The following SLC46A1 variants were observed in gnomAD, a reference collection of about 807,000 sequenced individuals.
SLC46A1 encodes the protein proton-coupled folate transporter.
Under a neutral mutation model 32.1 loss-of-function variants are expected in SLC46A1, and 17 were observed. The ratio of observed to expected loss-of-function variants is 0.53; its 90% CI spans 0.36 to 0.79. The LOEUF is 0.79. Ranked by LOEUF, SLC46A1 falls within the 30% of genes least tolerant of loss-of-function variation. SLC46A1 has a pLI of 0.00. For missense variants in SLC46A1, 517 were observed against 588.2 expected, an observed-to-expected ratio of 0.88 and a Z score of 1.25; for synonymous variants, 240 against 262.7, an observed-to-expected ratio of 0.91 and a Z score of 0.84.
intron 1 of SLC46A1, 41 bp downstream of exon 1, chr17:28,405,846 C>T (rs1555591240): frequency 6.5e-7 from 1 of 1,530,110 alleles, no homozygotes; most frequent in African/African-American, 1.4e-5. Flanking sequence ...ACGCTCCAGA[C>T]CAGGGCCCTC....
chr17:28,405,833 C>A, intron 1 of SLC46A1, 54 bp downstream of exon 1: 1 of 1,504,028 alleles, frequency 6.6e-7, no homozygotes, highest in Non-Finnish European at 8.9e-7. Context: ...CTCCGCTGCC[C>A]CCACGCTCCA....
Position 28,405,159 on chromosome 17 carries a change from G to T in SLC46A1, c.538C>A (p.Arg180=). 1 of 1,610,968 alleles carries T rather than the reference G, an allele frequency of 6.2e-7. No homozygotes were observed. The highest frequency in any genetic ancestry group is 8.5e-7 in the Non-Finnish European group (1 of 1,178,290). Residue 180 remains arginine, a synonymous_variant, in exon 2 of 5, where the codon CGG becomes AGG. Coordinates refer to ENST00000612814, the MANE Select transcript of SLC46A1 (RefSeq NM_080669.6). ...ATGCTGGCTTCCAGCAGGGCCATCC[G>T]GAAGGTGCGGCTGCGACTGGAGCTG... ...DVSSSRSRTF[R]MALLEASIGV... is the part of the protein sequence containing the mutation.
In SLC46A1 at chr17:28,402,233, C is replaced by T; in HGVS notation, c.1165+5G>A. On this transcript the variant is annotated splice_donor_5th_base_variant and intron_variant, in intron 3 of 4. Coordinates refer to ENST00000612814, the MANE Select transcript of SLC46A1 (RefSeq NM_080669.6). ...AACCAGACACAGGTGGGTTCTGACA[C>T]TCACCCTGCTCTGTCTCTCTCACCA... 1 of 1,611,492 alleles carries T rather than the reference C, an allele frequency of 6.2e-7. No homozygotes were observed. Among genetic ancestry groups the T allele is most frequent in the Non-Finnish European group, 8.5e-7 (1 of 1,178,670 alleles).
chr17:28,402,493 C>T (rs2068209792), intron 2 of SLC46A1, 172 bp from the exon 3 acceptor site: 1 of 550,922 alleles, frequency 1.8e-6, no homozygotes, highest in Non-Finnish European at 3.3e-6. Context: ...GGAGACTGCC[C>T]TTGTCTGGGC....
rs1315099553 is a variant in SLC46A1 at position 28,395,716 on chromosome 17, T to G, written c.*3940A>C. 3.3e-6 allele frequency: 2 copies of G among 605,402 alleles called. No individual in the cohort carries two copies. Among genetic ancestry groups the G allele is most frequent in the African/African-American group, 3.7e-5 (2 of 53,934 alleles). The allele number at this position is 605,402 out of a possible 1,614,324, so 37.5% of individuals were successfully genotyped here. On this transcript the variant is annotated 3_prime_UTR_variant, in exon 5 of 5. Coordinates refer to ENST00000612814, the MANE Select transcript of SLC46A1 (RefSeq NM_080669.6). ...GTTTTAGCAGCTCTGTGCCAGGAAC[T>G]CTGGGCAAAGGAAAAATATTTATTT...
At chr17:28,406,225 G>C (rs1222460496), upstream of SLC46A1, 1 of 816,984 alleles carries the variant, frequency 1.2e-6, no homozygotes. The surrounding 1 kb of genome is among the most constrained non-coding windows in gnomAD (Gnocchi z 4.5). Flanking sequence ...GCCTGCGCCC[G>C]GCGTCCCTCC....
In SLC46A1 at chr17:28,405,045, A is replaced by T; in HGVS notation, c.652T>A (p.Leu218Met). 1 of 1,614,046 alleles carries T rather than the reference A, an allele frequency of 6.2e-7. No homozygotes were observed. Among genetic ancestry groups the T allele is most frequent in the South Asian group, 1.1e-5 (1 of 91,084 alleles). ...YANPFWLALALLIAMTLYAAF... is the reference protein window; with the variant it reads ...YANPFWLALAMLIAMTLYAAF... ...GCATAGAGAGTCATGGCTATCAGCAAGGCCAAGGCCAGCCAGAAGGGGTTG... is the reference window on the plus strand; with the variant it reads ...GCATAGAGAGTCATGGCTATCAGCATGGCCAAGGCCAGCCAGAAGGGGTTG... Residue 218 changes from leucine to methionine, a missense_variant, in exon 2 of 5, where the codon TTG (leucine) becomes ATG (methionine). Physicochemically the swap from Leu to Met is conservative, Grantham distance 15. Coordinates refer to ENST00000612814, the MANE Select transcript of SLC46A1 (RefSeq NM_080669.6).
intron 2 of SLC46A1, chr17:28,402,559 G>T (rs1239333403): frequency 2.4e-6 from 1 of 419,636 alleles, no homozygotes; most frequent in Non-Finnish European, 4.4e-6. Flanking sequence ...TTGCTTTCTT[G>T]TCTGAACCTC....
chr17:28,404,695 T>C lies in SLC46A1; in HGVS notation c.1002A>G (p.Val334=). Reference sequence around the variant, plus strand: ...TGTTGAAGGCCAGGCCGATCTCAGCTACCCAGGCATCGGCCAGGCAGTACT... The same window carrying C: ...TGTTGAAGGCCAGGCCGATCTCAGCCACCCAGGCATCGGCCAGGCAGTACT... The part of the protein sequence containing the change: ...LLQYCLADAW[V]AEIGLAFNIL... The change falls in exon 2 of 5, where the codon GTA becomes GTG. Residue 334 remains valine, a synonymous_variant. Coordinates refer to ENST00000612814, the MANE Select transcript of SLC46A1 (RefSeq NM_080669.6). 6.2e-7 allele frequency: 1 copy of C among 1,613,876 alleles called. No homozygotes were observed.
In SLC46A1 at chr17:28,402,289, T is replaced by C; in HGVS notation, c.1114A>G (p.Thr372Ala). The C allele has an allele frequency of 6.2e-7, 1 of 1,613,608 alleles. No homozygotes were observed. The highest frequency in any genetic ancestry group is 8.5e-7 in the Non-Finnish European group (1 of 1,179,762). The change falls in exon 3 of 5, where the codon ACA becomes GCA. Residue 372 changes from threonine to alanine, a missense_variant. Physicochemically the swap from Thr to Ala is moderately conservative, Grantham distance 58. Coordinates refer to ENST00000612814, the MANE Select transcript of SLC46A1 (RefSeq NM_080669.6). ...GAGAGTTTAGCCCGGATGACAGGTG[T>C]GATGACTAATGACAGGAAAAGCAAC... Reference protein sequence around the residue: ...YGLLFLSLVITPVIRAKLSKL... With the variant: ...YGLLFLSLVIAPVIRAKLSKL...
intron 3 of SLC46A1, 58 bp downstream of exon 3, chr17:28,402,180 C>A (rs1388099017): frequency 1.8e-5 from 26 of 1,471,756 alleles, no homozygotes; most frequent in Non-Finnish European, 2.3e-5. Flanking sequence ...TGCCCATCAG[C>A]CCGTTTCGGG....
Position 28,402,321 on chromosome 17 carries a change from C to G in SLC46A1, c.1082G>C (p.Gly361Ala). The change falls in exon 3 of 5, where the codon GGA (glycine) becomes GCA (alanine). Residue 361 changes from glycine to alanine, a missense_variant and splice_region_variant. Physicochemically the swap from Gly to Ala is moderately conservative, Grantham distance 60. Transcript: ENST00000612814. ...TAATGACAGGAAAAGCAACCCATAT[C>G]CTGTGGAGAAACAAACACTCATCAG... ...FATITPLMFTGYGLLFLSLVI... is the reference protein window; with the variant it reads ...FATITPLMFTAYGLLFLSLVI... 6.2e-7 allele frequency: 1 copy of G among 1,612,688 alleles called. No individual in the cohort carries two copies. The highest frequency in any genetic ancestry group is 1.3e-5 in the African/African-American group (1 of 75,024).
At position 28,395,569 on chromosome 17, in the gene SLC46A1, T is replaced by A; in HGVS notation, c.*4087A>T. The A allele has an allele frequency of 4.1e-6, 1 of 244,908 alleles. No individual in the cohort carries two copies. The highest frequency in any genetic ancestry group is 8.0e-6 in the Non-Finnish European group (1 of 124,684). 15.2% of individuals were successfully genotyped at this position (244,908 alleles called of 1,614,324 possible). On this transcript the variant is annotated 3_prime_UTR_variant, in exon 5 of 5. Transcript: ENST00000612814. ...CCAATCCTCTAGTCATGCCCTGGTCTCCCTGGTGACCAGCCCTCTTCCTGA... is the reference window on the plus strand; with the variant it reads ...CCAATCCTCTAGTCATGCCCTGGTCACCCTGGTGACCAGCCCTCTTCCTGA...
Position 28,405,405 on chromosome 17 carries a change from G to T in SLC46A1, c.292C>A (p.Leu98Ile), listed in dbSNP as rs1555591013. 6.3e-7 allele frequency: 1 copy of T among 1,588,320 alleles called. No homozygotes were observed. The highest frequency in any genetic ancestry group is 1.1e-5 in the South Asian group (1 of 87,002). The change falls in exon 2 of 5, where the codon CTC becomes ATC. Residue 98 changes from leucine to isoleucine, a missense_variant. Physicochemically the swap from Leu to Ile is conservative, Grantham distance 5. Coordinates refer to ENST00000612814, the MANE Select transcript of SLC46A1 (RefSeq NM_080669.6). ...GCTCCCAGCAGGGTGGACGAGAAGAGCCCCACCAGGAAGCCGCCCACGTTC... is the reference window on the plus strand; with the variant it reads ...GCTCCCAGCAGGGTGGACGAGAAGATCCCCACCAGGAAGCCGCCCACGTTC... Reference protein sequence around the residue: ...YMNVGGFLVGLFSSTLLGAWS... With the variant: ...YMNVGGFLVGIFSSTLLGAWS...
At position 28,404,913 on chromosome 17, in the gene SLC46A1, T is replaced by G; in HGVS notation, c.784A>C (p.Lys262Gln). 6.2e-7 allele frequency: 1 copy of G among 1,613,972 alleles called. No homozygotes were observed. The highest frequency in any genetic ancestry group is 8.5e-7 in the Non-Finnish European group (1 of 1,179,876). The stretch of plus-strand genomic sequence containing the variant: ...TAGAGGGCTAAATGTTTCCTGGACT[T>G]CTCTGGGGCGGGAGCCACATAGAGC... ...VQLYVAPAPE[K>Q]SRKHLALYSL... is the part of the protein sequence containing the mutation. The change falls in exon 2 of 5, where the codon AAG (lysine) becomes CAG (glutamine). Residue 262 changes from lysine to glutamine, a missense_variant. Coordinates refer to ENST00000612814, the MANE Select transcript of SLC46A1 (RefSeq NM_080669.6).
chr17:28,399,902 T>C (rs1597830287), intron 4 of SLC46A1, 189 bp from the exon 5 acceptor site: 2 of 603,942 alleles, frequency 3.3e-6, no homozygotes, highest in East Asian at 2.9e-5. Context: ...AATAACTTTT[T>C]TTTTTTTAAG....
At chr17:28,400,528 G>T in intron 4 of SLC46A1, 82 bp downstream of exon 4, 1 of 1,547,058 alleles carries the variant, frequency 6.5e-7, no homozygotes, top group Non-Finnish European at 8.8e-7. Flanking sequence ...GAATGAAGCT[G>T]CCATTTCTGG....
At chr17:28,404,535 A>G (rs2068232231) in intron 2 of SLC46A1, 81 bp downstream of exon 2, 6 of 1,547,110 alleles carry the variant, frequency 3.9e-6, no homozygotes, top group Non-Finnish European at 5.3e-6. Context: ...AATGAACCAC[A>G]TCTGGGGGCA....
rs1555587925 is a variant in SLC46A1, at chr17:28,396,209, C to T, written c.*3447G>A. The T allele has an allele frequency of 3.1e-6, 5 of 1,614,010 alleles. No homozygotes were observed. The highest frequency in any genetic ancestry group is 4.2e-6 in the Non-Finnish European group (5 of 1,179,884). ...CATTGAGAAGATCATCCGCTTCCTG[C>T]AGGGCCGCTCCTCCCGGGACTCATC... On this transcript the variant is annotated 3_prime_UTR_variant, in exon 5 of 5. Transcript: ENST00000612814.
Sources: gnomAD v4.1 joint callset for allele counts on GRCh38, gnomAD v4.1.1 for gene constraint, Gnocchi (gnomAD v3.1) non-coding constraint, MANE v1.5 for transcripts, NCBI Gene and HGNC (gene_info 2026-07-23, HGNC 2026-07-21) for gene names.